SQSTM1: variants seen among roughly 807,000 people sequenced by gnomAD.
SQSTM1 encodes the protein sequestosome-1.
In SQSTM1, 36 loss-of-function variants were observed where a neutral mutation model predicts 45.1. That is an observed-to-expected ratio of 0.80 (90% CI 0.61 to 1.05). The LOEUF is 1.05. Among genes scored for constraint, SQSTM1 ranks in the 50% least tolerant of loss-of-function variants. The pLI, the probability that SQSTM1 is intolerant of heterozygous loss-of-function variation, is 0.00. For missense variants in SQSTM1, 617 were observed against 607.1 expected (o/e 1.02, Z -0.17); for synonymous variants, 290 against 244.3 (o/e 1.19, Z -1.74).
rs59899831 is a variant in SQSTM1, at chr5:179,823,445, CAAAAAAAAAAAAAAAAAAA to C, written c.302-396_302-378del. On this transcript the variant is annotated intron_variant, in intron 2 of 7. Transcript: ENST00000389805. ...CATGACTGTACTCCAGCCTAGGCGA[CAAAAAAAAAAAAAAAAAAA>C]AAAAAAAAAAAAAAAAGACATTTTA... The C allele has an allele frequency of 5.1e-3, 284 of 55,936 alleles. 4 individuals are homozygous for C. In the East Asian group the frequency reaches 0.079, roughly 15 times the overall value. The allele number at this position is 55,936 out of a possible 1,614,324, so 3.5% of individuals were successfully genotyped here. A position where few individuals can be genotyped will look rare whatever the true frequency, so the allele number is the denominator to read the frequency against.
intron 3 of SQSTM1, 36 bp downstream of exon 3, chr5:179,824,123 C>T: frequency 1.2e-6 from 2 of 1,613,614 alleles, no homozygotes; most frequent in Non-Finnish European, 1.7e-6. Context: ...GGGGTGGGCT[C>T]AGGGTGGCAG....
intron 7 of SQSTM1, chr5:179,836,081 A>C: frequency 2.6e-6 from 1 of 391,894 alleles, no homozygotes; most frequent in Non-Finnish European, 4.8e-6. Flanking sequence ...ATCTATTTCA[A>C]TGCCCCATCA....
chr5:179,837,553 G>C lies in SQSTM1; in HGVS notation c.*960G>C, dbSNP rs144080871. 1 of 1,614,242 alleles carries C rather than the reference G, an allele frequency of 6.2e-7. No homozygotes were observed. The highest frequency in any genetic ancestry group is 8.5e-7 in the Non-Finnish European group (1 of 1,180,038). On this transcript the variant is annotated 3_prime_UTR_variant, in exon 8 of 8. Transcript: ENST00000389805. ...GCCTCTCAGACCCAGATGTGACGGG[G>C]TGTGTGGCCCGAGGAAGCTGGACAG...
In SQSTM1 at chr5:179,825,034, C is replaced by G. The variant is rs768302397; in HGVS notation, c.674-112C>G. 5 of 1,056,032 alleles carry G rather than the reference C, an allele frequency of 4.7e-6. No homozygotes were observed. The East Asian group carries it at 7.4e-5, about 16-fold the overall frequency. 65.4% of individuals were successfully genotyped at this position (1,056,032 alleles called of 1,614,324 possible). A position where few individuals can be genotyped will look rare whatever the true frequency, so the allele number is the denominator to read the frequency against. On this transcript the variant is annotated intron_variant, in intron 4 of 7. Transcript: ENST00000389805. ...CTGAGTGGGTCACTGGACAAGATGT[C>G]CGGGTTAAAGGTCACCCGGGAACAC...
chr5:179,833,219 C>T lies in SQSTM1; in HGVS notation c.942C>T (p.Ile314=), dbSNP rs200695664. Residue 314 remains isoleucine, a synonymous_variant, in exon 6 of 8, where the codon ATC becomes ATT. Transcript: ENST00000389805. Reference sequence around the variant, plus strand: ...CTCTGGCGGAGCAGATGAGGAAGATCGCCTTGGAGTCCGAGGGGCGCCCTG... The same window carrying T: ...CTCTGGCGGAGCAGATGAGGAAGATTGCCTTGGAGTCCGAGGGGCGCCCTG... ...TQSLAEQMRK[I]ALESEGRPEE... The T allele has an allele frequency of 2.3e-5, 37 of 1,604,354 alleles. No individual in the cohort carries two copies. The highest frequency in any genetic ancestry group is 1.7e-4 in the Middle Eastern group (1 of 5,814).
At chr5:179,815,246 G>A (rs1757545960), upstream of SQSTM1, among the ~76,000 whole-genome samples, 3 of 152,012 alleles carry the variant, frequency 2.0e-5, no homozygotes, top group African/African-American at 4.8e-5. Context: ...GTGAAACCCC[G>A]TCTCTACTAA....
At chr5:179,827,763 GTTTC>G (rs144690882) in intron 5 of SQSTM1, among the ~76,000 whole-genome samples, 9,657 of 152,278 alleles carry the variant, frequency 0.063, 646 homozygotes, top group African/African-American at 0.17. Context: ...GTTAGGGCTA[GTTTC>G]TTTCTTTATG....
intron 5 of SQSTM1, among the ~76,000 whole-genome samples, chr5:179,827,200 T>G (rs1758029465): frequency 9.0e-6 from 1 of 111,292 alleles, no homozygotes; most frequent in Admixed American, 1.1e-4. Flanking sequence ...GCCCAGGTGC[T>G]TGGGGTCACA....
At chr5:179,809,788 C>T (rs574713211) in intron 1 of SQSTM1, among the ~76,000 whole-genome samples, 7 of 151,750 alleles carry the variant, frequency 4.6e-5, no homozygotes, top group East Asian at 3.9e-4. Context: ...AGATTACAGG[C>T]GTGTGCTACC....
intron 1 of SQSTM1, 49 bp downstream of exon 1, chr5:179,821,190 C>T (rs1264341941): frequency 1.5e-6 from 2 of 1,318,086 alleles, no homozygotes; most frequent in Non-Finnish European, 9.7e-7. Flanking sequence ...CCGGACACGG[C>T]CTCCTGCCGC....
intron 5 of SQSTM1, among the ~76,000 whole-genome samples, chr5:179,827,599 G>A (rs1404041053): frequency 1.3e-5 from 2 of 152,294 alleles, no homozygotes; most frequent in East Asian, 1.9e-4. Flanking sequence ...ATGTCTTTGA[G>A]CACTAAAAGC....
chr5:179,833,965 G>A (rs972959392), intron 7 of SQSTM1, among the ~76,000 whole-genome samples, 183 bp downstream of exon 7: 2 of 152,158 alleles, frequency 1.3e-5, no homozygotes, highest in South Asian at 2.1e-4. Context: ...TAGCGAGTAA[G>A]CTCTGCTAAT....
At chr5:179,833,451 G>A in intron 6 of SQSTM1, 136 bp from the exon 7 acceptor site, 1 of 1,051,182 alleles carries the variant, frequency 9.5e-7, no homozygotes, top group Non-Finnish European at 1.4e-6. Context: ...AGTGGCCACT[G>A]TTCCCCCTAG....
At chr5:179,828,052 C>G (rs1330375496) in intron 5 of SQSTM1, among the ~76,000 whole-genome samples, 1 of 152,152 alleles carries the variant, frequency 6.6e-6, no homozygotes, top group African/African-American at 2.4e-5. Context: ...TTTGATAAAC[C>G]GACACGCAGA....
At position 179,806,564 on chromosome 5, in the gene SQSTM1, G is replaced by T; in HGVS notation, c.-184G>T. 2 of 1,302,044 alleles carry T rather than the reference G, an allele frequency of 1.5e-6. No individual in the cohort carries two copies. Among genetic ancestry groups the T allele is most frequent in the Non-Finnish European group, 2.0e-6 (2 of 998,092 alleles). The allele number at this position is 1,302,044 out of a possible 1,614,324, so 80.7% of individuals were successfully genotyped here. On this transcript the variant is annotated 5_prime_UTR_variant, in exon 1 of 6. Transcript: ENST00000514093. This position sits in a 1 kb window ranked among gnomAD's most constrained non-coding sequence, Gnocchi z 4.6. Reference sequence around the variant, plus strand: ...GCAGAAGAGCAGCAGCGTCAGGAAGGTGCCATTGCGGAGCCTCATCTCCTC... The same window carrying T: ...GCAGAAGAGCAGCAGCGTCAGGAAGTTGCCATTGCGGAGCCTCATCTCCTC...
At chr5:179,809,376 G>A (rs111349365) in intron 1 of SQSTM1, among the ~76,000 whole-genome samples, 8 of 114,940 alleles carry the variant, frequency 7.0e-5, no homozygotes, top group African/African-American at 2.4e-4. Context: ...TCGCTATGTC[G>A]CCCAGGCTGG....
intron 5 of SQSTM1, among the ~76,000 whole-genome samples, chr5:179,829,247 C>G (rs917006018): frequency 6.6e-6 from 1 of 152,216 alleles, no homozygotes; most frequent in African/African-American, 2.4e-5. Flanking sequence ...GCCCAGCAGT[C>G]AGTTCCCTGG....
chr5:179,826,598 G>GGT (rs1554090528), intron 5 of SQSTM1, among the ~76,000 whole-genome samples: 2 of 142,252 alleles, frequency 1.4e-5, no homozygotes, highest in South Asian at 4.4e-4. Context: ...TCGCTAGTCT[G>GGT]TTTTTTTTTT....
rs774468810 is a variant in SQSTM1 at position 179,837,733 on chromosome 5, C to T, written c.*1140C>T. ...TTTTTCTAGGTGGCAGGACAAATTG[C>T]GCCCATTTAGAGGATGTGGCTGTAA... On this transcript the variant is annotated 3_prime_UTR_variant, in exon 8 of 8. Transcript: ENST00000389805. 13 of 1,614,128 alleles carry T rather than the reference C, an allele frequency of 8.1e-6. No homozygotes were observed. Among genetic ancestry groups the T allele is most frequent in the Middle Eastern group, 1.6e-4 (1 of 6,082 alleles).
Sources: gnomAD v4.1 joint callset for allele counts (sites outside exome capture counted in the v4.1 genomes callset) on GRCh38, gnomAD v4.1.1 for gene constraint, Gnocchi (gnomAD v3.1) non-coding constraint, MANE v1.5 for transcripts, NCBI Gene and HGNC (gene_info 2026-07-23, HGNC 2026-07-21) for gene names.